The following TDRD7 variants were observed in gnomAD, a reference collection of about 807,000 sequenced individuals.
The protein encoded by TDRD7 is tudor domain containing 7.
TDRD7 carries 47 observed loss-of-function variants against 109.8 expected under a neutral mutation model. The observed-to-expected ratio is 0.43, with a 90% CI of 0.34 to 0.55. The LOEUF is 0.55. TDRD7 is among the 20% of genes least tolerant of loss of function. TDRD7 has a pLI of 0.03. For missense variants in TDRD7, 1,164 were observed against 1,319.2 expected, an observed-to-expected ratio of 0.88 and a Z score of 1.82; for synonymous variants, 424 against 457.3, an observed-to-expected ratio of 0.93 and a Z score of 0.93.
intron 1 of TDRD7, among the ~76,000 whole-genome samples, chr9:97,425,480 A>G (rs1827971833): frequency 6.6e-6 from 1 of 152,204 alleles, no homozygotes; most frequent in South Asian, 2.1e-4. Flanking sequence ...GTTATACCAT[A>G]TAGCCTAGGT....
chr9:97,473,371 C>G, intron 10 of TDRD7, 121 bp from the exon 11 acceptor site: 1 of 1,349,142 alleles, frequency 7.4e-7, no homozygotes, highest in Non-Finnish European at 1.1e-6. Flanking sequence ...TACATATACT[C>G]TAACTTAAAG....
chr9:97,479,797 A>G (rs1357007981), intron 13 of TDRD7, among the ~76,000 whole-genome samples: 1 of 152,164 alleles, frequency 6.6e-6, no homozygotes, highest in African/African-American at 2.4e-5. Flanking sequence ...AAATTAGGAA[A>G]TTTCACACAA....
At position 97,473,481 on chromosome 9, in the gene TDRD7, G is replaced by T. The variant is rs1452913446; in HGVS notation, c.1945-11G>T. The T allele has an allele frequency of 1.9e-6, 3 of 1,613,084 alleles. No homozygotes were observed. Among genetic ancestry groups the T allele is most frequent in the Non-Finnish European group, 2.5e-6 (3 of 1,179,496 alleles). ...CTCAAGCATTCACGAGGTATCCTTT[G>T]TCTGTTATAGGTTGACGCCATGTAC... is the stretch of plus-strand genomic sequence containing the variant. On this transcript the variant is annotated splice_polypyrimidine_tract_variant and intron_variant, in intron 10 of 16. Coordinates refer to ENST00000355295, the MANE Select transcript of TDRD7 (RefSeq NM_014290.3).
chr9:97,452,273 A>G (rs1451685616), intron 6 of TDRD7, among the ~76,000 whole-genome samples: 4 of 152,216 alleles, frequency 2.6e-5, no homozygotes, highest in African/African-American at 7.2e-5. Flanking sequence ...TATGTGGACC[A>G]GGTATTTTTT....
chr9:97,450,044 C>T (rs192004590), intron 6 of TDRD7, among the ~76,000 whole-genome samples: 2 of 151,952 alleles, frequency 1.3e-5, no homozygotes, highest in East Asian at 3.9e-4. Context: ...CATGAACTTA[C>T]GGGAATAGAA....
intron 4 of TDRD7, among the ~76,000 whole-genome samples, chr9:97,432,654 GA>G (rs1828124627): frequency 6.6e-6 from 1 of 152,100 alleles, no homozygotes; most frequent in East Asian, 1.9e-4. Context: ...CAGAATACCA[GA>G]CTGGCAATAA....
chr9:97,443,444 T>G (rs377538153), intron 6 of TDRD7, among the ~76,000 whole-genome samples: 1 of 152,258 alleles, frequency 6.6e-6, no homozygotes, highest in East Asian at 1.9e-4. Context: ...CTCTGATTTA[T>G]GTGGAATATA....
intron 4 of TDRD7, among the ~76,000 whole-genome samples, chr9:97,434,206 A>G (rs756867249): frequency 4.6e-5 from 7 of 152,178 alleles, no homozygotes; most frequent in Non-Finnish European, 1.0e-4. Flanking sequence ...AAATCCTGTC[A>G]TTTGCAACAA....
At chr9:97,470,524 A>G (rs973144777) in intron 8 of TDRD7, 34 bp from the exon 9 acceptor site, 21 of 1,565,834 alleles carry the variant, frequency 1.3e-5, no homozygotes, top group Non-Finnish European at 1.8e-5. Flanking sequence ...AAGAGAGGAT[A>G]AAGAACTAAA....
At chr9:97,470,833 TA>T (rs1274495861) in intron 9 of TDRD7, among the ~76,000 whole-genome samples, 164 bp downstream of exon 9, 1 of 152,216 alleles carries the variant, frequency 6.6e-6, no homozygotes, top group African/African-American at 2.4e-5. Flanking sequence ...GATACCATTA[TA>T]AAAATGTTAT....
chr9:97,492,572 T>C (rs1829325453), intron 16 of TDRD7, among the ~76,000 whole-genome samples: 1 of 152,226 alleles, frequency 6.6e-6, no homozygotes, highest in Admixed American at 6.5e-5. Context: ...TGAACTAATA[T>C]GTGGATCAGA....
In TDRD7 at chr9:97,472,443, A is replaced by G. The variant is rs376812712; in HGVS notation, c.1892A>G (p.Asn631Ser). ...TCAGGAGAAGATGATATCAATATCAATGCCACCTGCTTGAAGGCTATATGT... is the reference window on the plus strand; with the variant it reads ...TCAGGAGAAGATGATATCAATATCAGTGCCACCTGCTTGAAGGCTATATGT... ...DTSGEDDINI[N>S]ATCLKAICDK... is the part of the protein sequence containing the mutation. The change falls in exon 10 of 17, where the codon AAT becomes AGT. Residue 631 changes from asparagine to serine, a missense_variant. Coordinates refer to ENST00000355295, the MANE Select transcript of TDRD7 (RefSeq NM_014290.3). 6.9e-5 allele frequency: 111 copies of G among 1,613,844 alleles called. No homozygotes were observed. Among genetic ancestry groups the G allele is most frequent in the Non-Finnish European group, 8.1e-5 (96 of 1,179,912 alleles).
At chr9:97,487,784 C>T (rs572742818) in intron 16 of TDRD7, among the ~76,000 whole-genome samples, 1 of 152,104 alleles carries the variant, frequency 6.6e-6, no homozygotes, top group Middle Eastern at 3.4e-3. Flanking sequence ...TTTACACTAG[C>T]TAAAACGAAC....
In TDRD7 at chr9:97,476,028, C is replaced by G. The variant is rs73565850; in HGVS notation, c.2166+559C>G. On this transcript the variant is annotated intron_variant, in intron 12 of 16. Transcript: ENST00000355295. ...CCTGATGATGGATATTTAGATTGTT[C>G]CTAATTTTTTGAACCTTCCTGTCTG... 6.5e-3 allele frequency among the ~76,000 whole-genome samples: 985 copies of G among 152,232 alleles called. 16 individuals carry two copies. Among genetic ancestry groups the G allele is most frequent in the African/African-American group, 0.023 (945 of 41,546 alleles).
At chr9:97,480,591 T>A in intron 13 of TDRD7, 1 of 505,800 alleles carries the variant, frequency 2.0e-6, no homozygotes, top group South Asian at 1.9e-5. Context: ...GTGGGAAGTA[T>A]ATGGAGTGCT....
intron 15 of TDRD7, among the ~76,000 whole-genome samples, chr9:97,485,543 G>GT (rs1163178961): frequency 2.0e-5 from 3 of 152,178 alleles, no homozygotes; most frequent in Non-Finnish European, 4.4e-5. Flanking sequence ...GAAACCAAGT[G>GT]TTTTTACCTC....
At chr9:97,482,574 A>G (rs958559313) in intron 14 of TDRD7, among the ~76,000 whole-genome samples, 7 of 152,302 alleles carry the variant, frequency 4.6e-5, no homozygotes, top group Admixed American at 4.6e-4. Flanking sequence ...CCTTTCTGTC[A>G]ATGATAATGA....
At chr9:97,439,403 C>A in intron 5 of TDRD7, 85 bp downstream of exon 5, 2 of 1,093,468 alleles carry the variant, frequency 1.8e-6, no homozygotes, top group Non-Finnish European at 2.8e-6. Flanking sequence ...CATTTGCTCT[C>A]ACCTTCTCCT....
chr9:97,467,593 A>G (rs1375754874), intron 8 of TDRD7, among the ~76,000 whole-genome samples: 1 of 152,256 alleles, frequency 6.6e-6, no homozygotes, highest in African/African-American at 2.4e-5. Flanking sequence ...GAGAAGAGAG[A>G]GATGACAAGC....
Sources: gnomAD v4.1 joint callset for allele counts (sites outside exome capture counted in the v4.1 genomes callset) on GRCh38, gnomAD v4.1.1 for gene constraint, MANE v1.5 for transcripts, NCBI Gene and HGNC (gene_info 2026-07-23, HGNC 2026-07-21) for gene names.